MYH9: variants seen among roughly 807,000 people sequenced by gnomAD.
The protein encoded by MYH9 is myosin-9.
A neutral mutation model predicts 241.9 loss-of-function variants in MYH9; 29 were observed. The ratio of observed to expected loss-of-function variants is 0.12; its 90% CI spans 0.09 to 0.16. The LOEUF (loss-of-function observed/expected upper bound fraction) is 0.16. Ranked by LOEUF, MYH9 falls within the 10% of genes least tolerant of loss-of-function variation. The probability of loss-of-function intolerance (pLI) is 1.00; values close to 1 mark genes in which losing one functional copy is unlikely to be tolerated. For synonymous variants in MYH9, 1,047 were observed against 1,062.6 expected (o/e 0.99, Z 0.29); for missense variants, 1,803 against 2,595.5 (o/e 0.69, Z 6.63).
intron 3 of MYH9, 48 bp from the exon 4 acceptor site, chr22:36,327,536 T>A: frequency 6.2e-7 from 1 of 1,611,336 alleles, no homozygotes; most frequent in East Asian, 2.2e-5. Context: ...TGCAAAAGCC[T>A]CCCCACCTTG....
intron 1 of MYH9, among the ~76,000 whole-genome samples, chr22:36,353,314 G>A (rs752342411): frequency 3.3e-5 from 5 of 152,152 alleles, no homozygotes; most frequent in South Asian, 2.1e-4. Context: ...AGCAGCCAGC[G>A]TGCAGCCACT....
intron 40 of MYH9, among the ~76,000 whole-genome samples, chr22:36,283,166 G>A (rs2146325842): frequency 6.6e-6 from 1 of 152,252 alleles, no homozygotes; most frequent in South Asian, 2.1e-4. Flanking sequence ...TTCACACAGA[G>A]TACAAAGACA....
Position 36,300,757 on chromosome 22 carries a change from C to T in MYH9, c.2838+94G>A. The T allele has an allele frequency of 7.0e-7, 1 of 1,435,706 alleles. No homozygotes were observed. The highest frequency in any genetic ancestry group is 1.2e-5 in the South Asian group (1 of 85,992). The allele number at this position is 1,435,706 out of a possible 1,614,324, so 88.9% of individuals were successfully genotyped here. On this transcript the variant is annotated intron_variant, in intron 22 of 40. Transcript: ENST00000216181. The surrounding 1 kb of genome is among the most constrained non-coding windows in gnomAD (Gnocchi z 5.0). Reference sequence around the variant, plus strand: ...TGCGTGAGGAGCAGCCTCCTTGGACCCTAATTCCATGTTCTCCCAGCTCCT... The same window carrying T: ...TGCGTGAGGAGCAGCCTCCTTGGACTCTAATTCCATGTTCTCCCAGCTCCT...
Position 36,304,033 on chromosome 22 carries a change from T to C in MYH9, c.2352A>G (p.Ile784Met), listed in dbSNP as rs762985813. 1.1e-5 allele frequency: 17 copies of C among 1,613,656 alleles called. No homozygotes were observed. Among genetic ancestry groups the C allele is most frequent in the Middle Eastern group, 1.6e-4 (1 of 6,084 alleles). The change falls in exon 19 of 41, where the codon ATA (isoleucine) becomes ATG (methionine). Residue 784 changes from isoleucine (I) to methionine (M), a missense_variant. By Grantham distance (10) the Ile-to-Met change is conservative. Coordinates refer to ENST00000216181, the MANE Select transcript of MYH9 (RefSeq NM_002473.6). ...ERDLKITDVIIGFQACCRGYL... is the reference protein window; with the variant it reads ...ERDLKITDVIMGFQACCRGYL... Reference sequence around the variant, plus strand: ...AGCCCCTGCAGCAGGCCTGGAACCCTATGATGACGTCGGTGATCTTCAGGT... The same window carrying C: ...AGCCCCTGCAGCAGGCCTGGAACCCCATGATGACGTCGGTGATCTTCAGGT...
chr22:36,375,615 G>A (rs1228080927), intron 1 of MYH9, among the ~76,000 whole-genome samples: 2 of 152,194 alleles, frequency 1.3e-5, no homozygotes, highest in Non-Finnish European at 2.9e-5. Flanking sequence ...TCAGGAGCTG[G>A]AGCACCCAAG....
In MYH9 at chr22:36,320,360, T is replaced by A; in HGVS notation, c.872A>T (p.Asp291Val). The A allele has an allele frequency of 6.2e-7, 1 of 1,613,548 alleles. No homozygotes were observed. The highest frequency in any genetic ancestry group is 8.5e-7 in the Non-Finnish European group (1 of 1,180,034). ...TTTGTTGTACGGCTCCAACAGGAGATCGGCTGTAAGGGGTGGAGGGCAAGG... is the reference window on the plus strand; with the variant it reads ...TTTGTTGTACGGCTCCAACAGGAGAACGGCTGTAAGGGGTGGAGGGCAAGG... Reference protein sequence around the residue: ...LSGAGEHLKTDLLLEPYNKYR... With the variant: ...LSGAGEHLKTVLLLEPYNKYR... Residue 291 changes from aspartate to valine, a missense_variant, in exon 9 of 41, where the codon GAT becomes GTT. This residue lies in a region of MYH9 where 222 missense variants were observed against 359.9 expected (regional missense o/e 0.62). Coordinates refer to ENST00000216181, the MANE Select transcript of MYH9 (RefSeq NM_002473.6). The surrounding 1 kb of genome is among the most constrained non-coding windows in gnomAD (Gnocchi z 4.8).
intron 13 of MYH9, among the ~76,000 whole-genome samples, chr22:36,312,949 T>C (rs1010044966): frequency 1.9e-4 from 29 of 150,608 alleles, no homozygotes; most frequent in Non-Finnish European, 4.0e-4. Context: ...TCTCTACTAA[T>C]AATACAAAAA....
chr22:36,348,912 G>A lies in MYH9; in HGVS notation c.325C>T (p.Leu109Phe), dbSNP rs1241867025. ...HNLKERYYSG[L>F]IYTYSGLFCV... ...CCACGGCAGCCACTTACGTAGATGA[G>A]CCCTGAGTAGTAACGCTCCTTGAGG... Residue 109 changes from leucine to phenylalanine, a missense_variant, in exon 2 of 41, where the codon CTC (leucine) becomes TTC (phenylalanine). Coordinates refer to ENST00000216181, the MANE Select transcript of MYH9 (RefSeq NM_002473.6). 6.3e-7 allele frequency: 1 copy of A among 1,598,624 alleles called. No individual in the cohort carries two copies. Among genetic ancestry groups the A allele is most frequent in the Non-Finnish European group, 8.5e-7 (1 of 1,173,260 alleles).
chr22:36,379,780 G>A (rs117350496), intron 1 of MYH9, among the ~76,000 whole-genome samples: 4,470 of 152,302 alleles, frequency 0.029, 82 homozygotes, highest in Middle Eastern at 0.082. Context: ...TCCTGGGCTA[G>A]AGATGCAGAC....
chr22:36,364,455 A>G (rs929936021), intron 1 of MYH9, among the ~76,000 whole-genome samples: 2 of 152,110 alleles, frequency 1.3e-5, no homozygotes, highest in Non-Finnish European at 1.5e-5. Context: ...TGTTAAGCCC[A>G]ATCATCTTCT....
At position 36,337,089 on chromosome 22, in the gene MYH9, G is replaced by A. The variant is rs368321291; in HGVS notation, c.490+4281C>T. Among the ~76,000 whole-genome samples, 105 of 151,576 alleles carry A rather than the reference G, an allele frequency of 6.9e-4. 2 individuals carry two copies. The highest frequency in any genetic ancestry group is 2.3e-3 in the African/African-American group (95 of 40,906). ...TCCAGGCAGCCACTACTGATCGATC[G>A]GAGATGACACTCAAAGTAAAACTAA... On this transcript the variant is annotated intron_variant, in intron 3 of 40. Transcript: ENST00000216181.
chr22:36,318,436 A>G, intron 10 of MYH9, 111 bp from the exon 11 acceptor site: 1 of 893,054 alleles, frequency 1.1e-6, no homozygotes, highest in Non-Finnish European at 1.9e-6. Flanking sequence ...TTGGGAGCAG[A>G]GAGGAAGAAA....
chr22:36,365,439 A>G (rs2017996380), intron 1 of MYH9, among the ~76,000 whole-genome samples: 1 of 152,076 alleles, frequency 6.6e-6, no homozygotes, highest in African/African-American at 2.4e-5. Context: ...TGGGGCCCCA[A>G]CATTTATCTT....
chr22:36,292,641 C>A (rs1484764488), intron 30 of MYH9, among the ~76,000 whole-genome samples: 1 of 152,238 alleles, frequency 6.6e-6, no homozygotes, highest in South Asian at 2.1e-4. Context: ...CGGGCTACTC[C>A]TACCCTGACT....
At chr22:36,313,744 C>A (rs2017105227) in intron 13 of MYH9, among the ~76,000 whole-genome samples, 1 of 152,158 alleles carries the variant, frequency 6.6e-6, no homozygotes. Context: ...CTGTTCCATG[C>A]TACAGTGAAA....
intron 1 of MYH9, among the ~76,000 whole-genome samples, chr22:36,360,942 A>T (rs1304781326): frequency 6.6e-6 from 1 of 152,140 alleles, no homozygotes; most frequent in African/African-American, 2.4e-5. Flanking sequence ...AAAATGTCCT[A>T]TCTGCTCACA....
chr22:36,312,262 G>C (rs1250860939), intron 13 of MYH9, 40 bp from the exon 14 acceptor site: 4 of 1,608,070 alleles, frequency 2.5e-6, no homozygotes, highest in Non-Finnish European at 3.4e-6. Context: ...AGTGCACCCT[G>C]GGAGGGGCAC....
chr22:36,293,553 G>T lies in MYH9; in HGVS notation c.3943-72C>A. The T allele has an allele frequency of 1.3e-6, 2 of 1,581,810 alleles. No individual in the cohort carries two copies. The highest frequency in any genetic ancestry group is 1.7e-6 in the Non-Finnish European group (2 of 1,159,976). Reference sequence around the variant, plus strand: ...CAAAACCCAGGAACCCCACACCCTTGAGGAGAGGGAGGAGCTGGTCCTGCT... The same window carrying T: ...CAAAACCCAGGAACCCCACACCCTTTAGGAGAGGGAGGAGCTGGTCCTGCT... On this transcript the variant is annotated intron_variant, in intron 29 of 40. Transcript: ENST00000216181. This position sits in a 1 kb window ranked among gnomAD's most constrained non-coding sequence, Gnocchi z 5.1.
At chr22:36,284,608 G>A (rs2016548060) in intron 38 of MYH9, 97 bp from the exon 39 acceptor site, 5 of 1,169,062 alleles carry the variant, frequency 4.3e-6, no homozygotes, top group Non-Finnish European at 6.2e-6. Flanking sequence ...GGGGCTCACT[G>A]GCATCTAGGG....
Sources: allele counts gnomAD v4.1 joint callset (sites outside exome capture counted in the v4.1 genomes callset), GRCh38; gene constraint gnomAD v4.1.1; regional missense constraint gnomAD v4.1.1; non-coding constraint Gnocchi (gnomAD v3.1); transcripts MANE v1.5; gene names NCBI Gene and HGNC (gene_info 2026-07-23, HGNC 2026-07-21).